The following TEX15 variants were observed in gnomAD, a reference collection of about 807,000 sequenced individuals.
TEX15 encodes testis-expressed protein 15.
Under a neutral mutation model 237.3 loss-of-function variants are expected in TEX15, and 171 were observed. The observed-to-expected ratio is 0.72, with a 90% confidence interval of 0.64 to 0.82. The LOEUF (loss-of-function observed/expected upper bound fraction) is 0.82. TEX15 is among the 40% of genes least tolerant of loss of function. TEX15 has a pLI of 0.00. For synonymous variants in TEX15, 1,338 were observed against 1,269.8 expected, an observed-to-expected ratio of 1.05 and a Z score of -1.14; for missense variants, 3,750 against 3,646.5, an observed-to-expected ratio of 1.03 and a Z score of -0.73.
intron 7 of TEX15, among the ~76,000 whole-genome samples, chr8:30,849,591 AT>A (rs1378970947): frequency 6.6e-6 from 1 of 152,176 alleles, no homozygotes; most frequent in Non-Finnish European, 1.5e-5. Context: ...TAGAAAAAAA[AT>A]GACAAATAAT....
chr8:30,906,826 G>GA (rs1335318848), intron 1 of TEX15, among the ~76,000 whole-genome samples: 8 of 152,042 alleles, frequency 5.3e-5, no homozygotes, highest in African/African-American at 1.7e-4. Flanking sequence ...TTTTACATAT[G>GA]AAAAAACCAA....
intron 5 of TEX15, among the ~76,000 whole-genome samples, chr8:30,866,610 C>G (rs1418811465): frequency 6.6e-6 from 1 of 152,050 alleles, no homozygotes; most frequent in Admixed American, 6.6e-5. Flanking sequence ...ATAAATCTAA[C>G]TGCAATGGAT....
chr8:30,858,592 C>A, intron 7 of TEX15, 76 bp downstream of exon 7: 2 of 1,283,714 alleles, frequency 1.6e-6, no homozygotes, highest in South Asian at 3.1e-5. Context: ...ACCATTGTGT[C>A]CAGCCAGTAA....
Position 30,840,182 on chromosome 8 carries a change from ATTC to A in TEX15, c.8164-221_8164-219del, listed in dbSNP as rs530360954. On this transcript the variant is annotated intron_variant, in intron 8 of 10. Transcript: ENST00000643185. ...ACTTTAAAAAAAATAAATTTGTAAC[ATTC>A]TTCTTATCCTCACATCTTTTTTTTT... Among the ~76,000 whole-genome samples, 233 of 151,752 alleles carry A rather than the reference ATTC, an allele frequency of 1.5e-3. 1 individual carries two copies. Among genetic ancestry groups the A allele is most frequent in the Admixed American group, 3.5e-3 (53 of 15,240 alleles).
At chr8:30,897,728 A>C (rs1213384169) in intron 2 of TEX15, among the ~76,000 whole-genome samples, 1 of 152,190 alleles carries the variant, frequency 6.6e-6, no homozygotes, top group Non-Finnish European at 1.5e-5. Flanking sequence ...TGGTACAATT[A>C]CAGTTCATTG....
chr8:30,906,190 T>C (rs1809099845), intron 1 of TEX15, among the ~76,000 whole-genome samples: 1 of 152,194 alleles, frequency 6.6e-6, no homozygotes, highest in African/African-American at 2.4e-5. Context: ...AATATTTTAA[T>C]CCTCACAGTT....
intron 10 of TEX15, among the ~76,000 whole-genome samples, chr8:30,836,202 A>G (rs1346884491): frequency 1.2e-5 from 1 of 82,938 alleles, no homozygotes; most frequent in African/African-American, 4.7e-5. Context: ...ATTTCACTGT[A>G]TCGTTTTTTT....
Position 30,858,772 on chromosome 8 carries a change from A to C in TEX15, c.746T>G (p.Leu249Arg). 5.9e-6 allele frequency: 9 copies of C among 1,535,684 alleles called. No individual in the cohort carries two copies. Among genetic ancestry groups the C allele is most frequent in the Non-Finnish European group, 7.8e-6 (9 of 1,146,602 alleles). ...SKPVDKPRQC[L>R]PYAVVTVKFL... ...TTTTACTGTTACTACAGCATATGGAAGACATTGCCTAGGTTTATCTACAGG... is the reference window on the plus strand; with the variant it reads ...TTTTACTGTTACTACAGCATATGGACGACATTGCCTAGGTTTATCTACAGG... Residue 249 changes from leucine to arginine, a missense_variant, in exon 7 of 11, where the codon CTT becomes CGT. Leu to Arg is a moderately radical substitution (Grantham distance 102). Transcript: ENST00000643185.
intron 1 of TEX15, among the ~76,000 whole-genome samples, chr8:30,908,857 G>A (rs1809162020): frequency 6.6e-6 from 1 of 151,972 alleles, no homozygotes. Context: ...ACAGTTAGGG[G>A]CTTCAAGTAA....
At chr8:30,889,950 TATAC>T (rs1238765902) in intron 2 of TEX15, among the ~76,000 whole-genome samples, 3,038 of 120,868 alleles carry the variant, frequency 0.025, 212 homozygotes, top group African/African-American at 0.099. Context: ...TATATATATA[TATAC>T]ATATATATAT....
rs762092363 is a variant in TEX15, at chr8:30,837,094, T to C, written c.9190A>G (p.Ile3064Val). 1.9e-6 allele frequency: 3 copies of C among 1,614,168 alleles called. No individual in the cohort carries two copies. Among genetic ancestry groups the C allele is most frequent in the South Asian group, 2.2e-5 (2 of 91,086 alleles). The change falls in exon 10 of 11, where the codon ATA becomes GTA. Residue 3064 changes from isoleucine to valine, a missense_variant. By Grantham distance (29) the Ile-to-Val change is conservative. Coordinates refer to ENST00000643185, the MANE Select transcript of TEX15 (RefSeq NM_001350162.2). ...GATGGCTGTACTTCATATGATGTTA[T>C]CCCTTGGTATGTCTGGGTAATGGCA... ...GNAITQTYQGITSYEVQPSPS... is the reference protein window; with the variant it reads ...GNAITQTYQGVTSYEVQPSPS...
At chr8:30,852,508 C>T (rs542439536) in intron 7 of TEX15, among the ~76,000 whole-genome samples, 2 of 152,234 alleles carry the variant, frequency 1.3e-5, no homozygotes, top group East Asian at 3.9e-4. Context: ...CTATATTATG[C>T]TATCTCTTTA....
chr8:30,909,063 T>C (rs1364567947), intron 1 of TEX15, among the ~76,000 whole-genome samples: 1 of 152,184 alleles, frequency 6.6e-6, no homozygotes, highest in Non-Finnish European at 1.5e-5. Flanking sequence ...AAGTTTTATC[T>C]TTATTGGCAA....
rs759705675 is a variant in TEX15, at chr8:30,848,416, G to A, written c.1751C>T (p.Ser584Leu). 82 of 1,614,066 alleles carry A rather than the reference G, an allele frequency of 5.1e-5. No individual in the cohort carries two copies. In the South Asian group the frequency reaches 6.6e-4, roughly 13 times the overall value. ...AATTGTTTTTAAATCAGAAGACTGC[G>A]AGTCCTGAAAAATGTGACTACTGTA... is the stretch of plus-strand genomic sequence containing the variant. ...KEYSSHIFQD[S>L]QSSDLKTIYQ... Residue 584 changes from serine (S) to leucine (L), a missense_variant, in exon 8 of 11, where the codon TCG becomes TTG. Transcript: ENST00000643185.
Position 30,846,499 on chromosome 8 carries a change from T to C in TEX15, c.3668A>G (p.Asp1223Gly), listed in dbSNP as rs1221829944. Residue 1223 changes from aspartate to glycine, a missense_variant, in exon 8 of 11, where the codon GAT (aspartate) becomes GGT (glycine). Transcript: ENST00000643185. ...NADYPCEDKV[D>G]NIRQESGPVS... The stretch of plus-strand genomic sequence containing the variant: ...TGGCCCTGATTCTTGCCTTATATTA[T>C]CAACTTTATCTTCACATGGATAATC... 2 of 1,613,480 alleles carry C rather than the reference T, an allele frequency of 1.2e-6. No homozygotes were observed. Among genetic ancestry groups the C allele is most frequent in the Admixed American group, 3.3e-5 (2 of 59,978 alleles).
At chr8:30,888,468 C>G (rs569729725) in intron 2 of TEX15, among the ~76,000 whole-genome samples, 1 of 152,004 alleles carries the variant, frequency 6.6e-6, no homozygotes, top group Admixed American at 6.6e-5. Flanking sequence ...ATATTCCTCC[C>G]CTTCCTTTTT....
chr8:30,861,533 G>C (rs536317094), intron 5 of TEX15, among the ~76,000 whole-genome samples: 2 of 152,230 alleles, frequency 1.3e-5, no homozygotes, highest in African/African-American at 4.8e-5. Context: ...ACAAACATGA[G>C]TAGAAAAATT....
chr8:30,845,342 T>C lies in TEX15; in HGVS notation c.4825A>G (p.Asn1609Asp), dbSNP rs1199977430. 3 of 1,612,358 alleles carry C rather than the reference T, an allele frequency of 1.9e-6. No homozygotes were observed. The highest frequency in any genetic ancestry group is 3.3e-5 in the Admixed American group (2 of 59,842). Residue 1609 changes from asparagine (N) to aspartate (D), a missense_variant, in exon 8 of 11, where the codon AAT (asparagine) becomes GAT (aspartate). By Grantham distance (23) the Asn-to-Asp change is conservative. Transcript: ENST00000643185. ...DATKENSCDA[N>D]EVINESNSVS... The stretch of plus-strand genomic sequence containing the variant: ...GAATTACTTTCATTTATTACTTCAT[T>C]AGCGTCACAACTGTTTTCTTTAGTT...
chr8:30,846,888 A>T lies in TEX15; in HGVS notation c.3279T>A (p.Tyr1093Ter). 1.2e-6 allele frequency: 2 copies of T among 1,613,856 alleles called. No individual in the cohort carries two copies. Among genetic ancestry groups the T allele is most frequent in the Middle Eastern group, 1.6e-4 (1 of 6,062 alleles). Residue 1093 changes from tyrosine to a stop codon, truncating the protein, a stop_gained, in exon 8 of 11, where the codon TAT becomes TAA. Transcript: ENST00000643185. LOFTEE classifies it high-confidence loss of function. ...AACTGATACGAGACTTCAGAGCCTT[A>T]TATGAGGTCACAAATTCTTCACAAA... is the stretch of plus-strand genomic sequence containing the variant. ...NMLCEEFVTS[Y>*]KALKSRISWE...
Sources: gnomAD v4.1 joint callset for allele counts (sites outside exome capture counted in the v4.1 genomes callset) on GRCh38, gnomAD v4.1.1 for gene constraint, MANE v1.5 for transcripts, NCBI Gene and HGNC (gene_info 2026-07-23, HGNC 2026-07-21) for gene names.